The following ELOVL5 variants were observed in gnomAD, a reference collection of about 807,000 sequenced individuals.
ELOVL5 encodes very long chain fatty acid elongase 5.
Under a neutral mutation model 38.6 loss-of-function variants are expected in ELOVL5, and 8 were observed. The ratio of observed to expected loss-of-function variants is 0.21; its 90% CI spans 0.12 to 0.37. The LOEUF (loss-of-function observed/expected upper bound fraction) is 0.37, where lower values mean the gene tolerates loss of function less well. ELOVL5 is among the 10% of genes least tolerant of loss of function. The pLI, the probability that ELOVL5 is intolerant of heterozygous loss-of-function variation, is 1.00. For synonymous variants in ELOVL5, 127 were observed against 133.7 expected (o/e 0.95, Z 0.34); for missense variants, 280 against 367.8 (o/e 0.76, Z 1.95).
chr6:53,303,634 C>G lies in ELOVL5; in HGVS notation c.-8-7927G>C, dbSNP rs780674010. Among the ~76,000 whole-genome samples the G allele has an allele frequency of 2.6e-5, 4 of 152,172 alleles. No homozygotes were observed. The South Asian group carries it at 8.3e-4, about 32-fold the overall frequency. Reference sequence around the variant, plus strand: ...AAAGCACTGCCACAGGTTAGCTCCACGGCTGAAGAAGGCAGAACAACCTCA... The same window carrying G: ...AAAGCACTGCCACAGGTTAGCTCCAGGGCTGAAGAAGGCAGAACAACCTCA... On this transcript the variant is annotated intron_variant, in intron 1 of 7. Coordinates refer to ENST00000304434, the MANE Select transcript of ELOVL5 (RefSeq NM_021814.5).
Position 53,268,987 on chromosome 6 carries a change from G to T in ELOVL5, c.*140C>A. 1 of 966,934 alleles carries T rather than the reference G, an allele frequency of 1.0e-6. No homozygotes were observed. The allele number at this position is 966,934 out of a possible 1,614,324, so 59.9% of individuals were successfully genotyped here. A position where few individuals can be genotyped will look rare whatever the true frequency, so the allele number is the denominator to read the frequency against. On this transcript the variant is annotated 3_prime_UTR_variant, in exon 8 of 8. Coordinates refer to ENST00000304434, the MANE Select transcript of ELOVL5 (RefSeq NM_021814.5). ...TCTGTATACGTTTTCTAGGGGTTTT[G>T]AATTGATGAAAGAAGTCCTACATGA...
chr6:53,348,798 C>G lies in ELOVL5; in HGVS notation c.-9+19G>C. On this transcript the variant is annotated intron_variant, in intron 1 of 7. Transcript: ENST00000304434. ...GAGCGGCGGCCCCCGACGAAGTTTC[C>G]CGGAGCTGACGGCTTTACCTTTTAG... 2.2e-6 allele frequency: 1 copy of G among 454,288 alleles called. No individual in the cohort carries two copies. Among genetic ancestry groups the G allele is most frequent in the Non-Finnish European group, 4.4e-6 (1 of 226,246 alleles). The allele number at this position is 454,288 out of a possible 1,614,324, so 28.1% of individuals were successfully genotyped here. A position where few individuals can be genotyped will look rare whatever the true frequency, so the allele number is the denominator to read the frequency against.
At chr6:53,310,634 G>T (rs1421743100) in intron 1 of ELOVL5, among the ~76,000 whole-genome samples, 1 of 152,092 alleles carries the variant, frequency 6.6e-6, no homozygotes, top group South Asian at 2.1e-4. Flanking sequence ...ACAGGGTCTC[G>T]CTCTGTTCCC....
At chr6:53,308,760 T>C (rs187863225) in intron 1 of ELOVL5, among the ~76,000 whole-genome samples, 1 of 152,036 alleles carries the variant, frequency 6.6e-6, no homozygotes, top group Admixed American at 6.5e-5. Flanking sequence ...CCATACACTG[T>C]ATTACAGAGA....
intron 6 of ELOVL5, among the ~76,000 whole-genome samples, chr6:53,272,906 A>C (rs1298548356): frequency 1.5e-5 from 2 of 132,720 alleles, no homozygotes; most frequent in African/African-American, 6.3e-5. Flanking sequence ...TATAATTAGA[A>C]AACACACACA....
chr6:53,303,987 G>C (rs1228095341), intron 1 of ELOVL5, among the ~76,000 whole-genome samples: 1 of 152,112 alleles, frequency 6.6e-6, no homozygotes, highest in Non-Finnish European at 1.5e-5. Context: ...CCCTCTTGTT[G>C]CTGTCTAGAC....
At chr6:53,276,105 T>C in intron 4 of ELOVL5, 74 bp downstream of exon 4, 6 of 1,076,044 alleles carry the variant, frequency 5.6e-6, no homozygotes, top group Non-Finnish European at 8.3e-6. Flanking sequence ...TTATGGGCCA[T>C]TTTGTATTTT....
chr6:53,346,600 TA>T (rs907029968), intron 1 of ELOVL5, among the ~76,000 whole-genome samples: 19 of 148,148 alleles, frequency 1.3e-4, no homozygotes, highest in East Asian at 7.8e-4. Context: ...GAGGAGGAAT[TA>T]AAAAAAAAAA....
At chr6:53,335,105 A>G (rs1325628406) in intron 1 of ELOVL5, among the ~76,000 whole-genome samples, 2 of 152,216 alleles carry the variant, frequency 1.3e-5, no homozygotes, top group African/African-American at 4.8e-5. Flanking sequence ...CAGGATTTGC[A>G]TCCACTTCTC....
At chr6:53,319,927 G>A (rs1768228075) in intron 1 of ELOVL5, among the ~76,000 whole-genome samples, 1 of 152,188 alleles carries the variant, frequency 6.6e-6, no homozygotes, top group Non-Finnish European at 1.5e-5. Flanking sequence ...TTGGAAATGT[G>A]TAAGTAAGAC....
At chr6:53,339,174 A>G (rs966672165) in intron 1 of ELOVL5, among the ~76,000 whole-genome samples, 1 of 152,352 alleles carries the variant, frequency 6.6e-6, no homozygotes, top group African/African-American at 2.4e-5. Context: ...AGGGACACAC[A>G]GTCTAGCAAC....
chr6:53,309,777 AG>A (rs1484931920), intron 1 of ELOVL5, among the ~76,000 whole-genome samples: 2 of 152,192 alleles, frequency 1.3e-5, no homozygotes, highest in African/African-American at 4.8e-5. Flanking sequence ...AAACAGTCCT[AG>A]GGAGAGGACA....
intron 2 of ELOVL5, chr6:53,294,102 T>C: frequency 7.3e-7 from 1 of 1,377,976 alleles, no homozygotes; most frequent in South Asian, 2.0e-5. Flanking sequence ...AACTTAAACC[T>C]CTGATTTACA....
chr6:53,331,558 T>C lies in ELOVL5; in HGVS notation c.-9+17259A>G, dbSNP rs1768803437. Reference sequence around the variant, plus strand: ...CCCCTACTTCACCAGGCAAGAGGAATTTTTCAGTTCCATTATAATCTTATG... The same window carrying C: ...CCCCTACTTCACCAGGCAAGAGGAACTTTTCAGTTCCATTATAATCTTATG... On this transcript the variant is annotated intron_variant, in intron 1 of 7. Coordinates refer to ENST00000304434, the MANE Select transcript of ELOVL5 (RefSeq NM_021814.5). 2.0e-5 allele frequency among the ~76,000 whole-genome samples: 3 copies of C among 152,264 alleles called. No homozygotes were observed. In the South Asian group the frequency reaches 6.2e-4, roughly 32 times the overall value.
chr6:53,304,385 A>G (rs1484388412), intron 1 of ELOVL5, among the ~76,000 whole-genome samples: 1 of 152,312 alleles, frequency 6.6e-6, no homozygotes, highest in South Asian at 2.1e-4. Flanking sequence ...AGCCCATAAA[A>G]AACAAAAACA....
chr6:53,290,189 T>C (rs1424540106), intron 3 of ELOVL5: 1 of 152,208 alleles, frequency 6.6e-6, no homozygotes, highest in Non-Finnish European at 1.5e-5. Context: ...CAGGGAATCA[T>C]CTGTTTAAGA....
chr6:53,305,594 T>A (rs1404051026), intron 1 of ELOVL5, among the ~76,000 whole-genome samples: 1 of 136,742 alleles, frequency 7.3e-6, no homozygotes, highest in Non-Finnish European at 1.6e-5. Context: ...GCTCCCCACA[T>A]CTCAGACGAT....
At chr6:53,342,479 C>T (rs951904909) in intron 1 of ELOVL5, among the ~76,000 whole-genome samples, 11 of 152,168 alleles carry the variant, frequency 7.2e-5, no homozygotes, top group Non-Finnish European at 1.2e-4. Flanking sequence ...TCAATTAGGT[C>T]TGTTCAGCAT....
At chr6:53,301,383 G>A (rs979425993) in intron 1 of ELOVL5, among the ~76,000 whole-genome samples, 2 of 152,158 alleles carry the variant, frequency 1.3e-5, no homozygotes, top group Non-Finnish European at 2.9e-5. Context: ...CATGGAAAAG[G>A]AGCTTTAGTC....
Sources: gnomAD v4.1 joint callset for allele counts (sites outside exome capture counted in the v4.1 genomes callset) on GRCh38, gnomAD v4.1.1 for gene constraint, MANE v1.5 for transcripts, NCBI Gene and HGNC (gene_info 2026-07-23, HGNC 2026-07-21) for gene names.